STXBP5: variants seen among roughly 807,000 people sequenced by gnomAD.
STXBP5 encodes syntaxin binding protein 5.
Under a neutral mutation model 152.4 loss-of-function variants are expected in STXBP5, and 50 were observed. The ratio of observed to expected loss-of-function variants is 0.33; its 90% CI spans 0.26 to 0.42. The LOEUF (loss-of-function observed/expected upper bound fraction) is 0.42, where lower values mean the gene tolerates loss of function less well. STXBP5 is among the 10% of genes least tolerant of loss of function. The pLI is 1.00. For missense variants in STXBP5, 1,167 were observed against 1,388.6 expected, an observed-to-expected ratio of 0.84 and a Z score of 2.54; for synonymous variants, 492 against 494.7, an observed-to-expected ratio of 0.99 and a Z score of 0.07.
chr6:147,218,359 A>T (rs1364566545), intron 2 of STXBP5, among the ~76,000 whole-genome samples: 1 of 149,446 alleles, frequency 6.7e-6, no homozygotes, highest in Non-Finnish European at 1.5e-5. Flanking sequence ...TATTTGTTAG[A>T]TTTATATTTA....
At chr6:147,368,295 A>G (rs956564799) in intron 25 of STXBP5, among the ~76,000 whole-genome samples, 2 of 152,172 alleles carry the variant, frequency 1.3e-5, no homozygotes, top group African/African-American at 2.4e-5. Context: ...ATTCAGCAAT[A>G]TATCAAAGGG....
chr6:147,342,432 A>G (rs950438061), intron 21 of STXBP5, among the ~76,000 whole-genome samples: 1 of 152,226 alleles, frequency 6.6e-6, no homozygotes, highest in African/African-American at 2.4e-5. Flanking sequence ...AGCCTATAAA[A>G]AAATAGTTTT....
At chr6:147,370,705 A>T (rs977501952) in intron 25 of STXBP5, among the ~76,000 whole-genome samples, 5 of 152,098 alleles carry the variant, frequency 3.3e-5, no homozygotes, top group Non-Finnish European at 5.9e-5. Flanking sequence ...GCACCTCAGG[A>T]TTATAATTTA....
At chr6:147,321,650 T>G (rs919022193) in intron 16 of STXBP5, among the ~76,000 whole-genome samples, 3 of 152,216 alleles carry the variant, frequency 2.0e-5, no homozygotes, top group Non-Finnish European at 2.9e-5. Context: ...TTTTGAATTA[T>G]TTTTATTGTC....
intron 26 of STXBP5, among the ~76,000 whole-genome samples, chr6:147,380,454 A>C (rs924196009): frequency 1.5e-5 from 2 of 135,186 alleles, no homozygotes; most frequent in Non-Finnish European, 1.6e-5. Context: ...ATTCATCTGC[A>C]AAAAAAAAAA....
intron 9 of STXBP5, among the ~76,000 whole-genome samples, chr6:147,300,056 A>T (rs749371958): frequency 5.0e-4 from 76 of 151,980 alleles, no homozygotes; most frequent in Non-Finnish European, 9.1e-4. Flanking sequence ...AGACAATCTC[A>T]TTTACAATAG....
intron 4 of STXBP5, among the ~76,000 whole-genome samples, chr6:147,242,750 C>T (rs889239198): frequency 3.3e-5 from 5 of 152,030 alleles, no homozygotes; most frequent in African/African-American, 7.2e-5. Flanking sequence ...CATCTAGGTT[C>T]GTGTAAGTAT....
chr6:147,316,180 A>G (rs1404833537), intron 15 of STXBP5, 49 bp from the exon 16 acceptor site: 1 of 1,555,198 alleles, frequency 6.4e-7, no homozygotes, highest in Non-Finnish European at 8.9e-7. Context: ...TTGTGATAAA[A>G]TGAGCAATAA....
chr6:147,254,635 A>G lies in STXBP5; in HGVS notation c.432-5980A>G, dbSNP rs189975079. 2.2e-3 allele frequency among the ~76,000 whole-genome samples: 338 copies of G among 152,190 alleles called. 2 individuals carry two copies. The highest frequency in any genetic ancestry group is 7.5e-3 in the African/African-American group (312 of 41,568). On this transcript the variant is annotated intron_variant, in intron 4 of 27. Transcript: ENST00000321680. The stretch of plus-strand genomic sequence containing the variant: ...CCATCAAAAAGTGGGCAAACTTCTC[A>G]AATGAAGACATTTACACAGCCACTT...
chr6:147,288,838 G>A (rs1193127172), intron 8 of STXBP5, among the ~76,000 whole-genome samples: 1 of 152,186 alleles, frequency 6.6e-6, no homozygotes, highest in South Asian at 2.1e-4. Flanking sequence ...GAAAACAAGT[G>A]CAGTGTTTAA....
Position 147,389,736 on chromosome 6 carries a change from T to C in STXBP5, c.*4981T>C, listed in dbSNP as rs1786504548. 6.6e-6 allele frequency: 1 copy of C among 151,932 alleles called. No individual in the cohort carries two copies. Among genetic ancestry groups the C allele is most frequent in the Admixed American group, 6.6e-5 (1 of 15,220 alleles). 9.4% of individuals were successfully genotyped at this position (151,932 alleles called of 1,614,324 possible). A position where few individuals can be genotyped will look rare whatever the true frequency, so the allele number is the denominator to read the frequency against. On this transcript the variant is annotated 3_prime_UTR_variant, in exon 28 of 28. Transcript: ENST00000321680. ...TATTTGTTTTGTATTGTCTAAACTT[T>C]GCTTCAACTGAAGACAGTGTAAGGA...
intron 9 of STXBP5, among the ~76,000 whole-genome samples, chr6:147,305,378 C>T (rs777420534): frequency 6.6e-6 from 1 of 152,050 alleles, no homozygotes; most frequent in Non-Finnish European, 1.5e-5. Flanking sequence ...TTTCTTTTTT[C>T]CTCTCAGCCC....
intron 4 of STXBP5, among the ~76,000 whole-genome samples, chr6:147,251,262 C>G (rs1779081492): frequency 6.6e-6 from 1 of 152,228 alleles, no homozygotes; most frequent in African/African-American, 2.4e-5. Flanking sequence ...AGCCCAGATA[C>G]TACGCTTTTC....
chr6:147,364,180 A>G lies in STXBP5; in HGVS notation c.3081+14A>G. Reference sequence around the variant, plus strand: ...GAAAATCTTCAGGTAATTAATAAAAATATTACTGTAATTTCTTCAGAGGTA... The same window carrying G: ...GAAAATCTTCAGGTAATTAATAAAAGTATTACTGTAATTTCTTCAGAGGTA... On this transcript the variant is annotated intron_variant, in intron 25 of 27. Transcript: ENST00000321680. 6.2e-7 allele frequency: 1 copy of G among 1,606,068 alleles called. No individual in the cohort carries two copies. The highest frequency in any genetic ancestry group is 1.1e-5 in the South Asian group (1 of 90,658).
chr6:147,298,242 G>T (rs900609810), intron 9 of STXBP5, among the ~76,000 whole-genome samples: 1 of 151,846 alleles, frequency 6.6e-6, no homozygotes, highest in African/African-American at 2.4e-5. Flanking sequence ...TGTAAAAAAT[G>T]ACCAAAAAAG....
At chr6:147,223,958 A>G (rs1234535770) in intron 2 of STXBP5, among the ~76,000 whole-genome samples, 3 of 152,236 alleles carry the variant, frequency 2.0e-5, no homozygotes, top group Non-Finnish European at 2.9e-5. Context: ...TTGTTCTGCC[A>G]CTGCCTTTGG....
intron 7 of STXBP5, among the ~76,000 whole-genome samples, chr6:147,271,219 C>T (rs1780149283): frequency 6.6e-6 from 1 of 151,790 alleles, no homozygotes; most frequent in African/African-American, 2.4e-5. Context: ...CTGTAAGAAA[C>T]CCACTTTTAA....
Position 147,383,013 on chromosome 6 carries a change from C to G in STXBP5, c.3414+15C>G, listed in dbSNP as rs1562280763. Reference sequence around the variant, plus strand: ...ATGCTCATGAGGTACGACTCTCAAACAGATATTTGAACAAAAAGCTCTAGG... The same window carrying G: ...ATGCTCATGAGGTACGACTCTCAAAGAGATATTTGAACAAAAAGCTCTAGG... On this transcript the variant is annotated intron_variant, in intron 27 of 27. Coordinates refer to ENST00000321680, the MANE Select transcript of STXBP5 (RefSeq NM_001127715.4). The G allele has an allele frequency of 2.5e-6, 4 of 1,611,958 alleles. No individual in the cohort carries two copies. Among genetic ancestry groups the G allele is most frequent in the Non-Finnish European group, 3.4e-6 (4 of 1,178,720 alleles).
chr6:147,211,494 A>G (rs1776852501), intron 2 of STXBP5, among the ~76,000 whole-genome samples: 1 of 152,196 alleles, frequency 6.6e-6, no homozygotes, highest in Non-Finnish European at 1.5e-5. Context: ...ATTTTATTAT[A>G]TAAAACATAA....
Sources: allele counts gnomAD v4.1 joint callset (sites outside exome capture counted in the v4.1 genomes callset), GRCh38; gene constraint gnomAD v4.1.1; transcripts MANE v1.5; gene names NCBI Gene and HGNC (gene_info 2026-07-23, HGNC 2026-07-21).